Variants in ODR4 observed in about 807,000 individuals in gnomAD.
The protein encoded by ODR4 is odr-4 GPCR localization factor homolog, also known as protein odr-4 homolog.
In ODR4, 47 loss-of-function variants were observed where a neutral mutation model predicts 60.2. The observed-to-expected ratio is 0.78, with a 90% CI of 0.62 to 1.00. The LOEUF is 1.00. Ranked by LOEUF, ODR4 falls within the 50% of genes least tolerant of loss-of-function variation. The pLI is 0.00. For missense variants in ODR4, 488 were observed against 530.8 expected, an observed-to-expected ratio of 0.92 and a Z score of 0.79; for synonymous variants, 178 against 175.5, an observed-to-expected ratio of 1.01 and a Z score of -0.11.
intron 12 of ODR4, among the ~76,000 whole-genome samples, chr1:186,411,374 A>G (rs1489314218): frequency 2.0e-5 from 3 of 152,180 alleles, no homozygotes; most frequent in Admixed American, 6.5e-5. Context: ...ATGCTCTGTA[A>G]TATACAGTGT....
intron 9 of ODR4, among the ~76,000 whole-genome samples, chr1:186,395,898 A>G (rs969524969): frequency 9.2e-5 from 14 of 152,148 alleles, no homozygotes; most frequent in African/African-American, 3.4e-4. Flanking sequence ...TTCTGTACTG[A>G]CTAGTTAGAG....
In ODR4 at chr1:186,375,943, TTGTC is replaced by T. The variant is rs972003503; in HGVS notation, c.-48_-45del. 6 of 214,674 alleles carry T rather than the reference TTGTC, an allele frequency of 2.8e-5. No individual in the cohort carries two copies. The highest frequency in any genetic ancestry group is 1.1e-4 in the African/African-American group (5 of 44,354). The allele number at this position is 214,674 out of a possible 1,614,324, so 13.3% of individuals were successfully genotyped here. On this transcript the variant is annotated 5_prime_UTR_variant, in exon 1 of 14. Transcript: ENST00000287859. Reference sequence around the variant, plus strand: ...CCGGCGGAGAGACCGTCCGAGGTAATTGTCTGCCACGAGTGCACATTCTGAAAAC... The same window carrying T: ...CCGGCGGAGAGACCGTCCGAGGTAATTGCCACGAGTGCACATTCTGAAAAC...
Position 186,376,310 on chromosome 1 carries a change from T to G in ODR4, c.-20+336T>G, listed in dbSNP as rs145863591. On this transcript the variant is annotated intron_variant, in intron 1 of 13. Transcript: ENST00000287859. ...TTATATTGTTTTTAAAATTGAAAAC[T>G]GTTGTAACTGAAGTTTTTAAACACA... 9.1e-3 allele frequency among the ~76,000 whole-genome samples: 1,390 copies of G among 152,336 alleles called. 13 individuals are homozygous for G. Among genetic ancestry groups the G allele is most frequent in the Admixed American group, 0.016 (252 of 15,304 alleles).
intron 11 of ODR4, among the ~76,000 whole-genome samples, chr1:186,399,668 A>T: frequency 6.7e-6 from 1 of 149,818 alleles, no homozygotes; most frequent in South Asian, 2.1e-4. Context: ...GTTGATATCT[A>T]TGAGTATTTT....
At chr1:186,395,267 T>G (rs1242606151) in intron 9 of ODR4, among the ~76,000 whole-genome samples, 1 of 55,836 alleles carries the variant, frequency 1.8e-5, no homozygotes, top group Non-Finnish European at 3.3e-5. Flanking sequence ...GCTAATTTTT[T>G]GTATTTTTAG....
rs1165693615 is a variant in ODR4, at chr1:186,375,993, A to T, written c.-20+19A>T. On this transcript the variant is annotated intron_variant, in intron 1 of 13. Transcript: ENST00000287859. ...AAAACAGGTAAGTCAGCCTAAGTGT[A>T]GTGTGTGTGTGTGTGTGTGTGTGTG... The T allele has an allele frequency of 1.9e-5, 3 of 158,396 alleles. No homozygotes were observed. Among genetic ancestry groups the T allele is most frequent in the Non-Finnish European group, 2.8e-5 (2 of 72,028 alleles). The allele number at this position is 158,396 out of a possible 1,614,324, so 9.8% of individuals were successfully genotyped here.
intron 5 of ODR4, among the ~76,000 whole-genome samples, chr1:186,388,825 G>C (rs954451215): frequency 6.6e-6 from 1 of 152,166 alleles, no homozygotes; most frequent in East Asian, 1.9e-4. Context: ...TCCAAGCACA[G>C]CAGATTCCCT....
intron 11 of ODR4, 162 bp downstream of exon 11, chr1:186,399,206 A>ATTTTT: frequency 7.8e-6 from 4 of 514,830 alleles, no homozygotes; most frequent in South Asian, 1.7e-5. Flanking sequence ...TGCTACTCAG[A>ATTTTT]TTTTTTTTTT....
chr1:186,412,076 T>C (rs925992343), intron 12 of ODR4, among the ~76,000 whole-genome samples: 1 of 152,158 alleles, frequency 6.6e-6, no homozygotes, highest in Non-Finnish European at 1.5e-5. Flanking sequence ...GTGAGTGATG[T>C]CTGTTCTTGG....
intron 11 of ODR4, among the ~76,000 whole-genome samples, chr1:186,404,760 G>A (rs1201645647): frequency 6.6e-5 from 10 of 152,070 alleles, no homozygotes; most frequent in African/African-American, 1.2e-4. Flanking sequence ...GGCATTGTTC[G>A]TCATCTTCTG....
chr1:186,423,331 T>C (rs1276032444), downstream of ODR4, among the ~76,000 whole-genome samples: 2 of 151,766 alleles, frequency 1.3e-5, no homozygotes, highest in African/African-American at 4.8e-5. Context: ...TTACTAACAC[T>C]TGTAAAGTCA....
chr1:186,380,565 A>G (rs1270986824), intron 2 of ODR4, among the ~76,000 whole-genome samples: 2 of 139,606 alleles, frequency 1.4e-5, no homozygotes, highest in Non-Finnish European at 3.1e-5. Flanking sequence ...ACCGGTCAGC[A>G]GTACAAAGCC....
At position 186,385,789 on chromosome 1, in the gene ODR4, A is replaced by C. The variant is rs560645266; in HGVS notation, c.235-199A>C. Among the ~76,000 whole-genome samples the C allele has an allele frequency of 2.6e-5, 4 of 152,296 alleles. No homozygotes were observed. The East Asian group carries it at 7.7e-4, about 29-fold the overall frequency. On this transcript the variant is annotated intron_variant, in intron 3 of 13. Coordinates refer to ENST00000287859, the MANE Select transcript of ODR4 (RefSeq NM_017847.6). The stretch of plus-strand genomic sequence containing the variant: ...TTTAGCTGATGGTGGGACGCCATTG[A>C]AAAAATATTTCAGTCTTTGATCTCC...
At position 186,375,993 on chromosome 1, in the gene ODR4, A is replaced by AGTGTGT. The variant is rs113247382; in HGVS notation, c.-20+43_-20+48dup. The AGTGTGT allele has an allele frequency of 0.27, 43,362 of 158,234 alleles. 6,338 individuals carry two copies. Among genetic ancestry groups the AGTGTGT allele is most frequent in the East Asian group, 0.41 (2,229 of 5,432 alleles). The allele number at this position is 158,234 out of a possible 1,614,324, so 9.8% of individuals were successfully genotyped here. ...AAAACAGGTAAGTCAGCCTAAGTGT[A>AGTGTGT]GTGTGTGTGTGTGTGTGTGTGTGTG... On this transcript the variant is annotated intron_variant, in intron 1 of 13. Coordinates refer to ENST00000287859, the MANE Select transcript of ODR4 (RefSeq NM_017847.6).
intron 12 of ODR4, among the ~76,000 whole-genome samples, chr1:186,408,481 CATT>C (rs1240836768): frequency 6.0e-5 from 9 of 150,424 alleles, no homozygotes; most frequent in Non-Finnish European, 8.9e-5. Flanking sequence ...TCTTGGATCT[CATT>C]ATTTATGTTT....
At chr1:186,407,432 TG>T (rs1440021623) in intron 12 of ODR4, among the ~76,000 whole-genome samples, 1 of 152,126 alleles carries the variant, frequency 6.6e-6, no homozygotes, top group Non-Finnish European at 1.5e-5. Context: ...GATTTTTGTT[TG>T]TTTTGTTCAC....
At chr1:186,389,649 T>A (rs1004077294) in intron 6 of ODR4, 25 bp downstream of exon 6, 1 of 1,438,972 alleles carries the variant, frequency 6.9e-7, no homozygotes, top group African/African-American at 1.5e-5. Context: ...CTTTAAAGAT[T>A]TTTCTGTGTC....
intron 9 of ODR4, among the ~76,000 whole-genome samples, chr1:186,395,578 A>G (rs1037444661): frequency 3.3e-5 from 5 of 152,148 alleles, no homozygotes; most frequent in African/African-American, 1.2e-4. Context: ...TATTTTCCAT[A>G]CAGTCCTGCT....
intron 11 of ODR4, among the ~76,000 whole-genome samples, chr1:186,400,324 G>A (rs183579252): frequency 3.0e-4 from 45 of 151,048 alleles, no homozygotes; most frequent in Admixed American, 2.0e-3. Context: ...TAGTGGATTT[G>A]CAATTCACAT....
Sources: allele counts gnomAD v4.1 joint callset (sites outside exome capture counted in the v4.1 genomes callset), GRCh38; gene constraint gnomAD v4.1.1; transcripts MANE v1.5; gene names NCBI Gene and HGNC (gene_info 2026-07-23, HGNC 2026-07-21).